Variants in TOP1 observed in about 807,000 individuals in gnomAD.
TOP1 encodes the protein DNA topoisomerase 1.
A neutral mutation model predicts 111.1 loss-of-function variants in TOP1; 10 were observed. The observed-to-expected ratio is 0.09, with a 90% confidence interval of 0.06 to 0.15. TOP1 has a LOEUF of 0.15. Ranked by LOEUF, TOP1 falls within the 10% of genes least tolerant of loss-of-function variation. TOP1 has a pLI of 1.00. For synonymous variants in TOP1, 271 were observed against 302.9 expected, an observed-to-expected ratio of 0.89 and a Z score of 1.10; for missense variants, 474 against 926.7, an observed-to-expected ratio of 0.51 and a Z score of 6.34.
chr20:41,116,365 C>A lies in TOP1; in HGVS notation c.1795C>A (p.Gln599Lys). 1 of 1,614,054 alleles carries A rather than the reference C, an allele frequency of 6.2e-7. No individual in the cohort carries two copies. Among genetic ancestry groups the A allele is most frequent in the Non-Finnish European group, 8.5e-7 (1 of 1,179,998 alleles). The part of the protein sequence containing the change: ...FRTYNASITL[Q>K]QQLKELTAPD... ...TACATACAATGCCTCCATCACGCTA[C>A]AGCAGCAGCTAAAAGAACTGACAGC... is the stretch of plus-strand genomic sequence containing the variant. The change falls in exon 17 of 21, where the codon CAG (glutamine) becomes AAG (lysine). Residue 599 changes from glutamine to lysine, a missense_variant. Around this residue, in one of 14 missense-constraint regions of TOP1, gnomAD observed 18 missense variants for 20.5 expected, o/e 0.88. Transcript: ENST00000361337. This position sits in a 1 kb window ranked among gnomAD's most constrained non-coding sequence, Gnocchi z 5.6.
chr20:41,107,510 A>G (rs1228569976), intron 13 of TOP1, among the ~76,000 whole-genome samples: 1 of 152,182 alleles, frequency 6.6e-6, no homozygotes, highest in Non-Finnish European at 1.5e-5. Context: ...TATTCCATCT[A>G]TAATTTATTT....
At chr20:41,033,652 C>G (rs2033149873) in intron 2 of TOP1, among the ~76,000 whole-genome samples, 1 of 152,084 alleles carries the variant, frequency 6.6e-6, no homozygotes, top group African/African-American at 2.4e-5. Flanking sequence ...TTCTGTTGTG[C>G]TTTCTGAATA....
Position 41,061,264 on chromosome 20 carries a change from G to T in TOP1, c.59-130G>T. 2.7e-6 allele frequency: 2 copies of T among 734,360 alleles called. No individual in the cohort carries two copies. The highest frequency in any genetic ancestry group is 1.8e-5 in the African/African-American group (1 of 56,792). 45.5% of individuals were successfully genotyped at this position (734,360 alleles called of 1,614,324 possible). ...TTCTTTGTGAAAGCTTTTTTTTTCA[G>T]TGGCATGTGCTATTATGCCTACCAT... On this transcript the variant is annotated intron_variant, in intron 2 of 20. Coordinates refer to ENST00000361337, the MANE Select transcript of TOP1 (RefSeq NM_003286.4). This position sits in a 1 kb window ranked among gnomAD's most constrained non-coding sequence, Gnocchi z 4.6.
In TOP1 at chr20:41,078,720, G is replaced by T. The variant is rs1250084746; in HGVS notation, c.335+1083G>T. On this transcript the variant is annotated intron_variant, in intron 5 of 20. Coordinates refer to ENST00000361337, the MANE Select transcript of TOP1 (RefSeq NM_003286.4). This position sits in a 1 kb window ranked among gnomAD's most constrained non-coding sequence, Gnocchi z 5.3. ...GATATGAATAAATTTTTTGGACTTG[G>T]TGCATAGTCATGAATTCATTTTCAG... Among the ~76,000 whole-genome samples, 1 of 152,166 alleles carries T rather than the reference G, an allele frequency of 6.6e-6. No individual in the cohort carries two copies. Among genetic ancestry groups the T allele is most frequent in the Non-Finnish European group, 1.5e-5 (1 of 68,032 alleles).
Position 41,122,251 on chromosome 20 carries a change from C to A in TOP1, c.2195+96C>A. ...GTGGCCTTCACATGCCATTCCTAAGCTACACACTTTAGTCCTCTGGGGAAA... is the reference window on the plus strand; with the variant it reads ...GTGGCCTTCACATGCCATTCCTAAGATACACACTTTAGTCCTCTGGGGAAA... On this transcript the variant is annotated intron_variant, in intron 20 of 20. Coordinates refer to ENST00000361337, the MANE Select transcript of TOP1 (RefSeq NM_003286.4). The surrounding 1 kb of genome is among the most constrained non-coding windows in gnomAD (Gnocchi z 5.4). The A allele has an allele frequency of 1.5e-6, 2 of 1,315,656 alleles. No individual in the cohort carries two copies. Among genetic ancestry groups the A allele is most frequent in the Non-Finnish European group, 2.1e-6 (2 of 933,288 alleles). The allele number at this position is 1,315,656 out of a possible 1,614,324, so 81.5% of individuals were successfully genotyped here.
At chr20:41,072,416 CT>C in intron 3 of TOP1, 2 of 985,362 alleles carry the variant, frequency 2.0e-6, no homozygotes, top group Non-Finnish European at 2.4e-6. Flanking sequence ...TATCCTAAGC[CT>C]TTTGGAAAAA....
At chr20:41,057,870 A>G (rs771482347) in intron 2 of TOP1, among the ~76,000 whole-genome samples, 3 of 152,182 alleles carry the variant, frequency 2.0e-5, no homozygotes, top group Non-Finnish European at 4.4e-5. Flanking sequence ...TTGTGGTGCT[A>G]TTACATGTAT....
intron 2 of TOP1, among the ~76,000 whole-genome samples, chr20:41,036,048 A>G (rs2033180894): frequency 6.6e-6 from 1 of 152,270 alleles, no homozygotes; most frequent in Non-Finnish European, 1.5e-5. Context: ...TTTTATGTGC[A>G]TTAAATCTGA....
intron 2 of TOP1, among the ~76,000 whole-genome samples, chr20:41,037,191 A>G (rs186271328): frequency 6.6e-6 from 1 of 152,346 alleles, no homozygotes; most frequent in African/African-American, 2.4e-5. Flanking sequence ...AACTTGTAGC[A>G]GTACAGAAGA....
At chr20:41,044,115 A>G (rs182236633) in intron 2 of TOP1, among the ~76,000 whole-genome samples, 1,599 of 152,252 alleles carry the variant, frequency 0.011, 11 homozygotes, top group Non-Finnish European at 0.017. Flanking sequence ...CATCTCTACT[A>G]AAAATACAAA....
intron 17 of TOP1, among the ~76,000 whole-genome samples, chr20:41,117,548 G>A (rs983991934): frequency 6.6e-6 from 1 of 151,400 alleles, no homozygotes; most frequent in African/African-American, 2.4e-5. Flanking sequence ...CATGTCGCCC[G>A]GCTAATTTTT....
Position 41,061,885 on chromosome 20 carries a change from A to T in TOP1, c.155+395A>T, listed in dbSNP as rs2033549885. Among the ~76,000 whole-genome samples, 1 of 152,174 alleles carries T rather than the reference A, an allele frequency of 6.6e-6. No homozygotes were observed. The highest frequency in any genetic ancestry group is 2.1e-4 in the South Asian group (1 of 4,834). ...ATATTTTAAAGAGTTTACATTAAAAATTCTTAACTTGGGCTTCCATGGTCT... is the reference window on the plus strand; with the variant it reads ...ATATTTTAAAGAGTTTACATTAAAATTTCTTAACTTGGGCTTCCATGGTCT... On this transcript the variant is annotated intron_variant, in intron 3 of 20. Transcript: ENST00000361337. The surrounding 1 kb of genome is among the most constrained non-coding windows in gnomAD (Gnocchi z 4.6).
intron 4 of TOP1, 120 bp downstream of exon 4, chr20:41,076,414 G>C: frequency 7.3e-7 from 1 of 1,375,582 alleles, no homozygotes; most frequent in Non-Finnish European, 9.7e-7. Context: ...TTTCTTGTCA[G>C]GAGAATTTAG....
chr20:41,115,286 T>G lies in TOP1; in HGVS notation c.1639-85T>G. 1.1e-6 allele frequency: 1 copy of G among 922,726 alleles called. No individual in the cohort carries two copies. The allele number at this position is 922,726 out of a possible 1,614,324, so 57.2% of individuals were successfully genotyped here. ...ATGCGTGTTCCTTGTGCCTTTTTCT[T>G]TGCAAGTTTCTTTAAGTTTGGGGTT... On this transcript the variant is annotated intron_variant, in intron 15 of 20. Transcript: ENST00000361337. This position sits in a 1 kb window ranked among gnomAD's most constrained non-coding sequence, Gnocchi z 6.3.
chr20:41,087,565 C>G (rs1180505928), intron 8 of TOP1, among the ~76,000 whole-genome samples: 1 of 152,122 alleles, frequency 6.6e-6, no homozygotes, highest in Non-Finnish European at 1.5e-5. Flanking sequence ...AAGACCAAGA[C>G]TCATAAATAT....
Position 41,092,806 on chromosome 20 carries a change from C to G in TOP1, c.730+219C>G, listed in dbSNP as rs528099623. ...GGAAAAGGGGCTATTCATGTCTTCC[C>G]TACATAGTCCAAAAAAGGTTTGTCA... On this transcript the variant is annotated intron_variant, in intron 9 of 20. Transcript: ENST00000361337. The surrounding 1 kb of genome is among the most constrained non-coding windows in gnomAD (Gnocchi z 4.3). 6.6e-6 allele frequency among the ~76,000 whole-genome samples: 1 copy of G among 152,178 alleles called. No homozygotes were observed. The highest frequency in any genetic ancestry group is 2.4e-5 in the African/African-American group (1 of 41,436).
rs1439234784 is a variant in TOP1, at chr20:41,098,547, A to G, written c.975+210A>G. On this transcript the variant is annotated intron_variant, in intron 11 of 20. Coordinates refer to ENST00000361337, the MANE Select transcript of TOP1 (RefSeq NM_003286.4). This position sits in a 1 kb window ranked among gnomAD's most constrained non-coding sequence, Gnocchi z 5.7. ...AGTACTTTGCTCAGTAGCTCTGTAC[A>G]GGAATCTTGGTGCTTCAGTGACCTA... 2.8e-5 allele frequency: 14 copies of G among 493,706 alleles called. No individual in the cohort carries two copies. The highest frequency in any genetic ancestry group is 4.6e-5 in the Non-Finnish European group (13 of 285,272). The allele number at this position is 493,706 out of a possible 1,614,324, so 30.6% of individuals were successfully genotyped here. A position where few individuals can be genotyped will look rare whatever the true frequency, so the allele number is the denominator to read the frequency against.
At chr20:41,086,538 ACTTCGGAG>A (rs1380871029) in intron 8 of TOP1, among the ~76,000 whole-genome samples, 1 of 152,200 alleles carries the variant, frequency 6.6e-6, no homozygotes, top group African/African-American at 2.4e-5. Context: ...TCTCCCCTTT[ACTTCGGAG>A]CTTTGGCTCT....
chr20:41,107,394 T>C (rs2034163367), intron 13 of TOP1, among the ~76,000 whole-genome samples: 1 of 151,272 alleles, frequency 6.6e-6, no homozygotes, highest in African/African-American at 2.5e-5. Flanking sequence ...TCATACTCTT[T>C]GTCTCTTTAG....
Sources: allele counts gnomAD v4.1 joint callset (sites outside exome capture counted in the v4.1 genomes callset), GRCh38; gene constraint gnomAD v4.1.1; regional missense constraint gnomAD v4.1.1; non-coding constraint Gnocchi (gnomAD v3.1); transcripts MANE v1.5; gene names NCBI Gene and HGNC (gene_info 2026-07-23, HGNC 2026-07-21).